The following KCNN3 variants were observed in gnomAD, a reference collection of about 807,000 sequenced individuals.
KCNN3 encodes potassium calcium-activated channel subfamily N member 3, also known as small conductance calcium-activated potassium channel protein 3.
Under a neutral mutation model 62.9 loss-of-function variants are expected in KCNN3, and 16 were observed. The observed-to-expected ratio is 0.25, with a 90% confidence interval of 0.17 to 0.39. The LOEUF (loss-of-function observed/expected upper bound fraction) is 0.39, where lower values mean the gene tolerates loss of function less well. Among genes scored for constraint, KCNN3 ranks in the 10% least tolerant of loss-of-function variants. The pLI is 1.00. For synonymous variants in KCNN3, 370 were observed against 389.2 expected (o/e 0.95, Z 0.58); for missense variants, 599 against 949.4 (o/e 0.63, Z 4.85).
chr1:154,752,655 G>A (rs1647433405), intron 3 of KCNN3, among the ~76,000 whole-genome samples: 1 of 109,662 alleles, frequency 9.1e-6, no homozygotes, highest in Non-Finnish European at 1.9e-5. Flanking sequence ...AACGAAGATA[G>A]TGCTCCTTAT....
intron 2 of KCNN3, among the ~76,000 whole-genome samples, chr1:154,816,388 A>G (rs1650663730): frequency 6.6e-6 from 1 of 152,238 alleles, no homozygotes; most frequent in South Asian, 2.1e-4. Flanking sequence ...ACTGGATTAT[A>G]TGAACTCTGC....
Position 154,732,245 on chromosome 1 carries a change from T to C in KCNN3, c.1590+758A>G, listed in dbSNP as rs146528016. ...AAACTCAGACCCCACATCCCTCTCA[T>C]AAGCCACACTGTGATGGCCATGTGA... is the stretch of plus-strand genomic sequence containing the variant. On this transcript the variant is annotated intron_variant, in intron 4 of 7. Coordinates refer to ENST00000271915, the MANE Select transcript of KCNN3 (RefSeq NM_002249.6). 8.3e-3 allele frequency among the ~76,000 whole-genome samples: 1,268 copies of C among 152,266 alleles called. 9 individuals carry two copies. The highest frequency in any genetic ancestry group is 0.014 in the Non-Finnish European group (932 of 68,012).
chr1:154,857,234 G>T (rs1033432886), intron 1 of KCNN3, among the ~76,000 whole-genome samples: 1 of 152,212 alleles, frequency 6.6e-6, no homozygotes, highest in Non-Finnish European at 1.5e-5. Flanking sequence ...GAGGCTCAAA[G>T]AGGTCAGTTT....
chr1:154,795,367 G>A (rs551401910), intron 2 of KCNN3, among the ~76,000 whole-genome samples: 18 of 152,252 alleles, frequency 1.2e-4, no homozygotes, highest in South Asian at 4.2e-4. Context: ...CACACACAGG[G>A]GCCACCCCAC....
chr1:154,702,791 A>G lies in KCNN3; in HGVS notation c.*5185T>C, dbSNP rs1699884512. On this transcript the variant is annotated 3_prime_UTR_variant, in exon 8 of 8. Transcript: ENST00000271915. The stretch of plus-strand genomic sequence containing the variant: ...CTATAAATGTCAACATCTCTTTGGG[A>G]TCCTAACTGCAGGTTGGAGTTGAAT... 7.2e-6 allele frequency: 1 copy of G among 137,932 alleles called. No individual in the cohort carries two copies. The highest frequency in any genetic ancestry group is 1.5e-5 in the Non-Finnish European group (1 of 65,554). 8.5% of individuals were successfully genotyped at this position (137,932 alleles called of 1,614,324 possible).
At chr1:154,851,082 G>A (rs992612216) in intron 1 of KCNN3, among the ~76,000 whole-genome samples, 6 of 152,284 alleles carry the variant, frequency 3.9e-5, no homozygotes, top group Admixed American at 1.3e-4. Context: ...GGGTTCAAGC[G>A]ATTCTCCTGC....
At chr1:154,728,860 G>C (rs943180938) in intron 4 of KCNN3, among the ~76,000 whole-genome samples, 3 of 152,196 alleles carry the variant, frequency 2.0e-5, no homozygotes, top group African/African-American at 4.8e-5. Context: ...CCTAAGGCTT[G>C]AGCCAGAAGT....
intron 4 of KCNN3, among the ~76,000 whole-genome samples, chr1:154,729,766 T>C (rs141903246): frequency 1.3e-3 from 205 of 152,358 alleles, no homozygotes; most frequent in Admixed American, 4.2e-3. Flanking sequence ...CTTCTAAAAC[T>C]GACATTAAGC....
chr1:154,719,794 C>T (rs1056625052), intron 5 of KCNN3, among the ~76,000 whole-genome samples: 6 of 152,138 alleles, frequency 3.9e-5, no homozygotes, highest in African/African-American at 1.2e-4. Context: ...TCTCTTTCAT[C>T]ACCCTGCTTG....
At position 154,869,564 on chromosome 1, in the gene KCNN3, TCATTGAGATTGA is replaced by T; in HGVS notation, c.389_400del (p.Leu130_Asp134delinsHis). The T allele has an allele frequency of 6.2e-7, 1 of 1,613,880 alleles. No individual in the cohort carries two copies. Among genetic ancestry groups the T allele is most frequent in the Non-Finnish European group, 8.5e-7 (1 of 1,179,966 alleles). ...ACTTGGAGAGTGGCCAAGCAAGTGGTCATTGAGATTGAGCTGGCTGCCTTGCCTGGAGGAAGG... is the reference window on the plus strand; with the variant it reads ...ACTTGGAGAGTGGCCAAGCAAGTGGTGCTGGCTGCCTTGCCTGGAGGAAGG... On this transcript the variant is annotated inframe_deletion, in exon 1 of 8. Coordinates refer to ENST00000271915, the MANE Select transcript of KCNN3 (RefSeq NM_002249.6). The surrounding 1 kb of genome is among the most constrained non-coding windows in gnomAD (Gnocchi z 6.1).
At chr1:154,717,181 A>G (rs1490174923) in intron 5 of KCNN3, among the ~76,000 whole-genome samples, 1 of 152,230 alleles carries the variant, frequency 6.6e-6, no homozygotes, top group African/African-American at 2.4e-5. Context: ...AGCTCCTTTA[A>G]TCCTCACCAC....
At chr1:154,863,465 G>A (rs1340603430) in intron 1 of KCNN3, among the ~76,000 whole-genome samples, 1 of 152,116 alleles carries the variant, frequency 6.6e-6, no homozygotes. Flanking sequence ...TCACTGAGCT[G>A]AGTAAAGTGG....
At chr1:154,863,138 A>G (rs572726902) in intron 1 of KCNN3, among the ~76,000 whole-genome samples, 1 of 151,934 alleles carries the variant, frequency 6.6e-6, no homozygotes, top group East Asian at 1.9e-4. Flanking sequence ...GTGCTGGGTG[A>G]CCAGAAAGTA....
intron 3 of KCNN3, among the ~76,000 whole-genome samples, chr1:154,741,911 T>G (rs1462874480): frequency 6.6e-6 from 1 of 152,252 alleles, no homozygotes; most frequent in Non-Finnish European, 1.5e-5. Flanking sequence ...ACCTGCCCAC[T>G]GAGCTGTGAA....
At chr1:154,839,144 A>G (rs1651721618) in intron 1 of KCNN3, among the ~76,000 whole-genome samples, 1 of 152,222 alleles carries the variant, frequency 6.6e-6, no homozygotes, top group African/African-American at 2.4e-5. Context: ...ATGGCAAAGC[A>G]GCTGAGATGG....
chr1:154,776,932 G>T (rs1438577190), intron 2 of KCNN3, among the ~76,000 whole-genome samples: 1 of 152,166 alleles, frequency 6.6e-6, no homozygotes, highest in Non-Finnish European at 1.5e-5. Flanking sequence ...TGTAACCAGG[G>T]TTGGGACCCC....
chr1:154,745,636 G>GC (rs1344710581), intron 3 of KCNN3, among the ~76,000 whole-genome samples: 1 of 152,208 alleles, frequency 6.6e-6, no homozygotes, highest in Non-Finnish European at 1.5e-5. Context: ...TTTGAGGGAA[G>GC]CCAGCTGCCA....
intron 7 of KCNN3, among the ~76,000 whole-genome samples, chr1:154,710,292 C>T (rs779625655): frequency 6.6e-6 from 1 of 152,160 alleles, no homozygotes; most frequent in Admixed American, 6.5e-5. Flanking sequence ...TATTGTCTCC[C>T]CCTGTTCCGT....
intron 3 of KCNN3, among the ~76,000 whole-genome samples, chr1:154,763,674 T>C (rs1276943154): frequency 6.6e-6 from 1 of 152,218 alleles, no homozygotes; most frequent in East Asian, 1.9e-4. Context: ...ATTGAGGAGA[T>C]TGCTTTAAAA....
Sources: allele counts gnomAD v4.1 joint callset (sites outside exome capture counted in the v4.1 genomes callset), GRCh38; gene constraint gnomAD v4.1.1; non-coding constraint Gnocchi (gnomAD v3.1); transcripts MANE v1.5; gene names NCBI Gene and HGNC (gene_info 2026-07-23, HGNC 2026-07-21).